SETBP1: variants seen among roughly 807,000 people sequenced by gnomAD.
SETBP1 encodes the protein SET-binding protein.
A neutral mutation model predicts 101.0 loss-of-function variants in SETBP1; 9 were observed. The observed-to-expected ratio is 0.09, with a 90% CI of 0.05 to 0.16. The LOEUF is 0.16. Among genes scored for constraint, SETBP1 ranks in the 10% least tolerant of loss-of-function variants. The pLI, the probability that SETBP1 is intolerant of heterozygous loss-of-function variation, is 1.00. For missense variants in SETBP1, 1,858 were observed against 2,033.8 expected, an observed-to-expected ratio of 0.91 and a Z score of 1.66; for synonymous variants, 818 against 788.5, an observed-to-expected ratio of 1.04 and a Z score of -0.63.
chr18:44,960,566 A>G (rs2071591525), intron 4 of SETBP1, among the ~76,000 whole-genome samples: 1 of 151,666 alleles, frequency 6.6e-6, no homozygotes, highest in Non-Finnish European at 1.5e-5. Flanking sequence ...CTGGTCTTGA[A>G]CTCTTGGGCT....
intron 2 of SETBP1, among the ~76,000 whole-genome samples, chr18:44,744,572 G>A (rs958715975): frequency 2.0e-5 from 3 of 152,226 alleles, no homozygotes; most frequent in African/African-American, 7.2e-5. Flanking sequence ...AAAGCCCCAA[G>A]GCCAAGCGGC....
chr18:45,056,118 G>T (rs547726601), intron 5 of SETBP1, among the ~76,000 whole-genome samples: 1 of 152,274 alleles, frequency 6.6e-6, no homozygotes, highest in Non-Finnish European at 1.5e-5. Flanking sequence ...CAAGAAAATT[G>T]CCAAATTCAT....
intron 3 of SETBP1, among the ~76,000 whole-genome samples, chr18:44,944,798 A>AT (rs1009448490): frequency 6.6e-5 from 10 of 151,788 alleles, no homozygotes; most frequent in Admixed American, 2.6e-4. Flanking sequence ...GAGTTATGTG[A>AT]TTTTTTCTTA....
At chr18:44,770,614 G>C (rs561965279) in intron 2 of SETBP1, among the ~76,000 whole-genome samples, 105 of 152,244 alleles carry the variant, frequency 6.9e-4, no homozygotes, top group African/African-American at 2.5e-3. Context: ...ACACTTGCCA[G>C]AGCAAAACAT....
At chr18:45,009,230 G>A (rs2072788670) in intron 4 of SETBP1, among the ~76,000 whole-genome samples, 1 of 151,836 alleles carries the variant, frequency 6.6e-6, no homozygotes, top group African/African-American at 2.4e-5. Context: ...GGGAAGCTTG[G>A]GCTGCAGCTG....
chr18:44,916,595 G>A (rs1398494031), intron 3 of SETBP1, among the ~76,000 whole-genome samples: 2 of 152,172 alleles, frequency 1.3e-5, no homozygotes, highest in Non-Finnish European at 2.9e-5. Flanking sequence ...TACACAGGCA[G>A]CATGAACTGT....
intron 2 of SETBP1, among the ~76,000 whole-genome samples, chr18:44,868,707 G>A (rs2069191314): frequency 2.1e-4 from 1 of 4,868 alleles, no homozygotes. Context: ...AGGACGGAAG[G>A]AAGGGAGGAA....
intron 2 of SETBP1, among the ~76,000 whole-genome samples, chr18:44,824,854 G>A (rs968638564): frequency 2.6e-5 from 4 of 152,302 alleles, no homozygotes; most frequent in South Asian, 2.1e-4. Flanking sequence ...GTGGGTCATC[G>A]TAGCAAGTAG....
intron 4 of SETBP1, among the ~76,000 whole-genome samples, chr18:44,959,852 C>A (rs1042766281): frequency 1.3e-5 from 2 of 152,132 alleles, no homozygotes; most frequent in Non-Finnish European, 2.9e-5. Flanking sequence ...AGGAGCCATG[C>A]AAACAAAGGT....
chr18:44,787,094 G>T (rs2144708536), intron 2 of SETBP1, among the ~76,000 whole-genome samples: 1 of 152,240 alleles, frequency 6.6e-6, no homozygotes, highest in South Asian at 2.1e-4. Flanking sequence ...AACATAGAAG[G>T]GACAATAGTG....
intron 4 of SETBP1, among the ~76,000 whole-genome samples, chr18:45,011,561 C>T (rs1351590980): frequency 3.9e-5 from 6 of 152,220 alleles, no homozygotes; most frequent in Admixed American, 2.6e-4. Context: ...CAGCATAATA[C>T]TTGATTTACA....
At chr18:44,715,467 T>C (rs2069442425) in intron 2 of SETBP1, among the ~76,000 whole-genome samples, 1 of 152,100 alleles carries the variant, frequency 6.6e-6, no homozygotes, top group African/African-American at 2.4e-5. Context: ...CCTTGCAAAA[T>C]AAGATTCCAT....
chr18:44,706,705 G>A (rs1454851241), intron 2 of SETBP1, among the ~76,000 whole-genome samples: 1 of 151,378 alleles, frequency 6.6e-6, no homozygotes, highest in Non-Finnish European at 1.5e-5. Flanking sequence ...AGGATGTTGG[G>A]AGTCAGGGAC....
intron 4 of SETBP1, among the ~76,000 whole-genome samples, chr18:44,996,304 C>T (rs1243231754): frequency 6.6e-6 from 1 of 152,190 alleles, no homozygotes; most frequent in Non-Finnish European, 1.5e-5. Flanking sequence ...AGCCTGCTCA[C>T]CCGGGGCCAG....
intron 4 of SETBP1, chr18:44,986,148 G>GTGTA (rs1243459602): frequency 6.6e-6 from 1 of 152,154 alleles, no homozygotes; most frequent in Non-Finnish European, 1.5e-5. Context: ...AAGCTATATG[G>GTGTA]TGTAGCCTTT....
At chr18:44,860,836 A>G (rs2068990695) in intron 2 of SETBP1, among the ~76,000 whole-genome samples, 1 of 152,154 alleles carries the variant, frequency 6.6e-6, no homozygotes, top group Non-Finnish European at 1.5e-5. Flanking sequence ...CGGTCTTAAA[A>G]TGAGGTCTGG....
intron 4 of SETBP1, among the ~76,000 whole-genome samples, chr18:45,029,414 G>A (rs1246784012): frequency 6.6e-6 from 1 of 152,000 alleles, no homozygotes; most frequent in African/African-American, 2.4e-5. Flanking sequence ...GGTTACTGTA[G>A]CCTTGTAGTA....
At chr18:44,751,358 G>A (rs2070376645) in intron 2 of SETBP1, among the ~76,000 whole-genome samples, 1 of 152,184 alleles carries the variant, frequency 6.6e-6, no homozygotes, top group African/African-American at 2.4e-5. Flanking sequence ...TTGAGAGATA[G>A]AGCAGAGAGC....
intron 4 of SETBP1, chr18:44,987,461 G>A (rs1318508417): frequency 6.6e-6 from 1 of 152,160 alleles, no homozygotes; most frequent in African/African-American, 2.4e-5. Context: ...TGCTCAAAAT[G>A]CTTTGGAGCT....
Sources: gnomAD v4.1 joint callset for allele counts (sites outside exome capture counted in the v4.1 genomes callset) on GRCh38, gnomAD v4.1.1 for gene constraint, MANE v1.5 for transcripts, NCBI Gene and HGNC (gene_info 2026-07-23, HGNC 2026-07-21) for gene names.